DERA: variants seen among roughly 807,000 people sequenced by gnomAD.
The protein encoded by DERA is 2-deoxy-D-ribose 5-phosphate aldolase.
A neutral mutation model predicts 41.1 loss-of-function variants in DERA; 15 were observed. That is an observed-to-expected ratio of 0.37 (90% CI 0.24 to 0.56). The LOEUF (loss-of-function observed/expected upper bound fraction) is 0.56. Among genes scored for constraint, DERA ranks in the 20% least tolerant of loss-of-function variants. The pLI, the probability that DERA is intolerant of heterozygous loss-of-function variation, is 0.81. For synonymous variants in DERA, 139 were observed against 137.4 expected (o/e 1.01, Z -0.08); for missense variants, 396 against 403.4 (o/e 0.98, Z 0.16).
At chr12:16,002,786 C>A (rs1487253235) in intron 6 of DERA, among the ~76,000 whole-genome samples, 3 of 152,136 alleles carry the variant, frequency 2.0e-5, no homozygotes, top group Non-Finnish European at 4.4e-5. Flanking sequence ...TCTTCTCTTC[C>A]CCTAAAAATG....
In DERA at chr12:15,941,524, C is replaced by G. The variant is rs1431194097; in HGVS notation, c.32-15412C>G. 6.6e-6 allele frequency among the ~76,000 whole-genome samples: 1 copy of G among 152,130 alleles called. No homozygotes were observed. Among genetic ancestry groups the G allele is most frequent in the East Asian group, 1.9e-4 (1 of 5,192 alleles). On this transcript the variant is annotated intron_variant, in intron 1 of 8. Coordinates refer to ENST00000428559, the MANE Select transcript of DERA (RefSeq NM_015954.4). The surrounding 1 kb of genome is among the most constrained non-coding windows in gnomAD (Gnocchi z 4.5). The stretch of plus-strand genomic sequence containing the variant: ...ATATGTAGTCTTTTATTCCTCACCC[C>G]TCCCTATTCTCTCCCGCTGAATCCT...
In DERA at chr12:15,913,069, T is replaced by C. The variant is rs112708177; in HGVS notation, c.31+1655T>C. Among the ~76,000 whole-genome samples the C allele has an allele frequency of 3.9e-5, 6 of 152,232 alleles. No homozygotes were observed. Among genetic ancestry groups the C allele is most frequent in the Non-Finnish European group, 7.4e-5 (5 of 68,022 alleles). ...TCCCAGGAATATGACCATGTGACTA[T>C]GCATACATCAAGGATGTGCCCTAAA... On this transcript the variant is annotated intron_variant, in intron 1 of 8. Coordinates refer to ENST00000428559, the MANE Select transcript of DERA (RefSeq NM_015954.4). The surrounding 1 kb of genome is among the most constrained non-coding windows in gnomAD (Gnocchi z 4.5).
intron 6 of DERA, among the ~76,000 whole-genome samples, chr12:16,024,129 C>T (rs899413514): frequency 1.3e-5 from 2 of 152,108 alleles, no homozygotes; most frequent in African/African-American, 4.8e-5. Context: ...AAGAAAAACC[C>T]CCACAGAACA....
chr12:16,006,583 C>T (rs1038885143), intron 6 of DERA, among the ~76,000 whole-genome samples: 2 of 152,212 alleles, frequency 1.3e-5, no homozygotes, highest in South Asian at 2.1e-4. Flanking sequence ...ACGTCGTACC[C>T]GACATGAATT....
rs983562602 is a variant in DERA, at chr12:15,921,851, A to G, written c.31+10437A>G. On this transcript the variant is annotated intron_variant, in intron 1 of 8. Transcript: ENST00000428559. The surrounding 1 kb of genome is among the most constrained non-coding windows in gnomAD (Gnocchi z 5.3). Reference sequence around the variant, plus strand: ...TGAGGTAGGAGAATCGCTTGAACCCAGGAGGCAGAGGTTGCAGTGAGCCGA... The same window carrying G: ...TGAGGTAGGAGAATCGCTTGAACCCGGGAGGCAGAGGTTGCAGTGAGCCGA... Among the ~76,000 whole-genome samples the G allele has an allele frequency of 6.6e-6, 1 of 152,072 alleles. No homozygotes were observed. The highest frequency in any genetic ancestry group is 1.5e-5 in the Non-Finnish European group (1 of 68,014).
Position 16,020,481 on chromosome 12 carries a change from C to T in DERA, c.638-12061C>T, listed in dbSNP as rs1343929668. 6.6e-6 allele frequency among the ~76,000 whole-genome samples: 1 copy of T among 152,178 alleles called. No homozygotes were observed. Among genetic ancestry groups the T allele is most frequent in the African/African-American group, 2.4e-5 (1 of 41,432 alleles). On this transcript the variant is annotated intron_variant, in intron 6 of 8. Transcript: ENST00000428559. The surrounding 1 kb of genome is among the most constrained non-coding windows in gnomAD (Gnocchi z 5.5). Reference sequence around the variant, plus strand: ...ACAGACCTAAACCATATCACTCAGCCTCAGATATTCCTTTGTAGCAATGCA... The same window carrying T: ...ACAGACCTAAACCATATCACTCAGCTTCAGATATTCCTTTGTAGCAATGCA...
At position 15,981,241 on chromosome 12, in the gene DERA, G is replaced by A. The variant is rs1400608478; in HGVS notation, c.509-1067G>A. On this transcript the variant is annotated intron_variant, in intron 5 of 8. Transcript: ENST00000428559. The surrounding 1 kb of genome is among the most constrained non-coding windows in gnomAD (Gnocchi z 6.1). ...CAGGCGCCTGTAGTCCCAGCTACTC[G>A]GGAGGCTGAGGCAGGAGAATGGCGT... Among the ~76,000 whole-genome samples the A allele has an allele frequency of 1.3e-5, 2 of 152,080 alleles. No homozygotes were observed. The highest frequency in any genetic ancestry group is 4.8e-5 in the African/African-American group (2 of 41,408).
rs142852199 is a variant in DERA at position 16,017,545 on chromosome 12, G to C, written c.638-14997G>C. On this transcript the variant is annotated intron_variant, in intron 6 of 8. Transcript: ENST00000428559. This position sits in a 1 kb window ranked among gnomAD's most constrained non-coding sequence, Gnocchi z 5.5. ...TATTAGTATCACATTGATACCTCCAGAGGGGCTTTCTGCTTCCATATGTAC... is the reference window on the plus strand; with the variant it reads ...TATTAGTATCACATTGATACCTCCACAGGGGCTTTCTGCTTCCATATGTAC... 6.6e-6 allele frequency among the ~76,000 whole-genome samples: 1 copy of C among 152,284 alleles called. No individual in the cohort carries two copies. Among genetic ancestry groups the C allele is most frequent in the Admixed American group, 6.5e-5 (1 of 15,298 alleles).
Position 16,019,455 on chromosome 12 carries a change from G to A in DERA, c.638-13087G>A, listed in dbSNP as rs3858679. On this transcript the variant is annotated intron_variant, in intron 6 of 8. Transcript: ENST00000428559. This position sits in a 1 kb window ranked among gnomAD's most constrained non-coding sequence, Gnocchi z 4.4. ...AAAGAACAGAGCCCAATGTCTGTGGGTTCAAAGCTCTCTATAATATTTTCC... is the reference window on the plus strand; with the variant it reads ...AAAGAACAGAGCCCAATGTCTGTGGATTCAAAGCTCTCTATAATATTTTCC... Among the ~76,000 whole-genome samples, 2,734 of 152,232 alleles carry A rather than the reference G, an allele frequency of 0.018. 86 individuals are homozygous for A. The highest frequency in any genetic ancestry group is 0.063 in the African/African-American group (2,612 of 41,514).
intron 5 of DERA, among the ~76,000 whole-genome samples, chr12:15,978,540 G>T (rs761836025): frequency 4.6e-5 from 7 of 152,188 alleles, no homozygotes; most frequent in Non-Finnish European, 8.8e-5. Flanking sequence ...TAGGCTTAGA[G>T]AAATCGAATA....
Position 16,000,812 on chromosome 12 carries a change from G to A in DERA, c.637+18376G>A, listed in dbSNP as rs965480027. On this transcript the variant is annotated intron_variant, in intron 6 of 8. Transcript: ENST00000428559. This position sits in a 1 kb window ranked among gnomAD's most constrained non-coding sequence, Gnocchi z 4.8. Reference sequence around the variant, plus strand: ...GAAAAAGCATATATGTTACCTCAGAGTCTGTAATGATACCTATAGTTGCAT... The same window carrying A: ...GAAAAAGCATATATGTTACCTCAGAATCTGTAATGATACCTATAGTTGCAT... Among the ~76,000 whole-genome samples the A allele has an allele frequency of 6.6e-6, 1 of 152,084 alleles. No individual in the cohort carries two copies. Among genetic ancestry groups the A allele is most frequent in the Non-Finnish European group, 1.5e-5 (1 of 68,028 alleles).
At chr12:15,917,634 A>G (rs1379739937) in intron 1 of DERA, among the ~76,000 whole-genome samples, 1 of 152,170 alleles carries the variant, frequency 6.6e-6, no homozygotes, top group Admixed American at 6.6e-5. Flanking sequence ...TCAAGACTCA[A>G]ATGCAGAACT....
chr12:16,006,793 A>G (rs1427713845), intron 6 of DERA, among the ~76,000 whole-genome samples: 1 of 152,246 alleles, frequency 6.6e-6, no homozygotes, highest in South Asian at 2.1e-4. Flanking sequence ...CTGATGGGAC[A>G]CAATAGTTAA....
At chr12:15,950,350 G>A (rs1948488225) in intron 1 of DERA, among the ~76,000 whole-genome samples, 1 of 152,180 alleles carries the variant, frequency 6.6e-6, no homozygotes, top group Non-Finnish European at 1.5e-5. Context: ...CATGGCATTT[G>A]TAAACTGTCA....
chr12:15,967,420 TCAAACAAA>T lies in DERA; in HGVS notation c.508+4490_508+4497del, dbSNP rs534718853. ...CTGAGCAAGAGAGTGAGACCCTGTC[TCAAACAAA>T]CAAACAAACAAACAAAAACTATTAA... On this transcript the variant is annotated intron_variant, in intron 5 of 8. Transcript: ENST00000428559. The surrounding 1 kb of genome is among the most constrained non-coding windows in gnomAD (Gnocchi z 4.9). Among the ~76,000 whole-genome samples the T allele has an allele frequency of 8.5e-4, 129 of 152,260 alleles. No individual in the cohort carries two copies. Among genetic ancestry groups the T allele is most frequent in the African/African-American group, 3.0e-3 (123 of 41,560 alleles).
At chr12:15,912,132 G>A (rs1037731883) in intron 1 of DERA, among the ~76,000 whole-genome samples, 3 of 151,918 alleles carry the variant, frequency 2.0e-5, no homozygotes, top group Non-Finnish European at 4.4e-5. Context: ...GTGAACAAAG[G>A]TCTCTGGTTT....
chr12:15,941,815 A>C lies in DERA; in HGVS notation c.32-15121A>C, dbSNP rs1948410994. Among the ~76,000 whole-genome samples, 1 of 152,230 alleles carries C rather than the reference A, an allele frequency of 6.6e-6. No individual in the cohort carries two copies. Among genetic ancestry groups the C allele is most frequent in the South Asian group, 2.1e-4 (1 of 4,834 alleles). On this transcript the variant is annotated intron_variant, in intron 1 of 8. Transcript: ENST00000428559. The surrounding 1 kb of genome is among the most constrained non-coding windows in gnomAD (Gnocchi z 4.5). ...GATTCCGTATCTTTGCATTTGCAAA[A>C]TGTGCTGCAATAAACATACATGTGC...
At chr12:16,016,913 C>A (rs140714466) in intron 6 of DERA, among the ~76,000 whole-genome samples, 239 of 151,534 alleles carry the variant, frequency 1.6e-3, no homozygotes, top group African/African-American at 5.4e-3. Flanking sequence ...ATTTTGAACA[C>A]CTTAAGTTTT....
intron 1 of DERA, among the ~76,000 whole-genome samples, chr12:15,944,446 T>C (rs1229312561): frequency 6.6e-6 from 1 of 152,210 alleles, no homozygotes; most frequent in Non-Finnish European, 1.5e-5. Context: ...TGGTATCTCA[T>C]TGTGGTTTTG....
Sources: allele counts gnomAD v4.1 joint callset (sites outside exome capture counted in the v4.1 genomes callset), GRCh38; gene constraint gnomAD v4.1.1; non-coding constraint Gnocchi (gnomAD v3.1); transcripts MANE v1.5; gene names NCBI Gene and HGNC (gene_info 2026-07-23, HGNC 2026-07-21).